Variants in TSEN15 observed in about 807,000 individuals in gnomAD.
The protein encoded by TSEN15 is tRNA splicing endonuclease subunit 15, also known as tRNA-splicing endonuclease subunit Sen15.
TSEN15 carries 10 observed loss-of-function variants against 20.5 expected under a neutral mutation model. The observed-to-expected ratio is 0.49, with a 90% CI of 0.30 to 0.83. The LOEUF (loss-of-function observed/expected upper bound fraction) is 0.83, where lower values mean the gene tolerates loss of function less well. Ranked by LOEUF, TSEN15 falls within the 40% of genes least tolerant of loss-of-function variation. TSEN15 has a pLI of 0.06. For synonymous variants in TSEN15, 72 were observed against 80.1 expected, an observed-to-expected ratio of 0.90 and a Z score of 0.54; for missense variants, 180 against 218.6, an observed-to-expected ratio of 0.82 and a Z score of 1.11.
intron 3 of TSEN15, among the ~76,000 whole-genome samples, chr1:184,093,431 C>A (rs1170383707): frequency 6.6e-6 from 1 of 152,020 alleles, no homozygotes; most frequent in African/African-American, 2.4e-5. Context: ...TGGGTAAGTT[C>A]CTTATTCTCA....
chr1:184,091,523 T>C (rs903019205), intron 3 of TSEN15, among the ~76,000 whole-genome samples: 7 of 152,144 alleles, frequency 4.6e-5, no homozygotes, highest in Non-Finnish European at 1.0e-4. Context: ...CTATTATTAT[T>C]ATTAGCTGTA....
chr1:184,075,386 T>G (rs1485637946), downstream of TSEN15, among the ~76,000 whole-genome samples: 1 of 152,202 alleles, frequency 6.6e-6, no homozygotes, highest in Non-Finnish European at 1.5e-5. Flanking sequence ...TAAGTAATTT[T>G]GTAAGTGAGT....
chr1:184,072,825 A>G lies in TSEN15; in HGVS notation c.496-2A>G, dbSNP rs1650936633. 1 of 1,599,824 alleles carries G rather than the reference A, an allele frequency of 6.3e-7. No individual in the cohort carries two copies. Among genetic ancestry groups the G allele is most frequent in the Non-Finnish European group, 8.5e-7 (1 of 1,175,480 alleles). On this transcript the variant is annotated splice_acceptor_variant, in intron 4 of 4. Transcript: ENST00000645668. LOFTEE classifies it high-confidence loss of function. ...GTCCATCCTGATCTTTTTTTTTTCC[A>G]GAATATTTCTCTTAGAAGATGACAT...
chr1:184,072,082 C>G (rs1231063572), intron 3 of TSEN15, 75 bp from the exon 4 acceptor site: 2 of 1,448,276 alleles, frequency 1.4e-6, no homozygotes, highest in East Asian at 4.9e-5. Flanking sequence ...TTCAAGTTTT[C>G]TAGTGCTTTC....
intron 3 of TSEN15, among the ~76,000 whole-genome samples, chr1:184,086,060 T>C (rs1651256302): frequency 6.6e-6 from 1 of 152,244 alleles, no homozygotes; most frequent in Non-Finnish European, 1.5e-5. Context: ...GGGGTTGCAC[T>C]TCAGATTATT....
intron 3 of TSEN15, among the ~76,000 whole-genome samples, chr1:184,089,653 A>G (rs537705161): frequency 6.6e-6 from 1 of 152,256 alleles, no homozygotes; most frequent in Admixed American, 6.5e-5. Context: ...TGAAATATCA[A>G]AATCATTCAT....
intron 3 of TSEN15, among the ~76,000 whole-genome samples, chr1:184,062,900 G>A (rs925957888): frequency 4.6e-5 from 7 of 151,964 alleles, no homozygotes; most frequent in South Asian, 2.1e-4. Context: ...AAAGCTGAGC[G>A]AAGTGAAATG....
chr1:184,071,026 A>G (rs1650862125), intron 3 of TSEN15: 1 of 156,908 alleles, frequency 6.4e-6, no homozygotes, highest in Non-Finnish European at 1.4e-5. Flanking sequence ...TTTGCAAGGT[A>G]GCAAAGTTGT....
chr1:184,067,941 A>AAAAAAAAAT (rs1400681024), intron 3 of TSEN15, among the ~76,000 whole-genome samples: 22 of 95,572 alleles, frequency 2.3e-4, no homozygotes, highest in African/African-American at 8.4e-4. Flanking sequence ...AAAAAAAAAA[A>AAAAAAAAAT]ATATATATAT....
chr1:184,067,071 T>C (rs1198816453), intron 3 of TSEN15, among the ~76,000 whole-genome samples: 2 of 152,376 alleles, frequency 1.3e-5, no homozygotes, highest in African/African-American at 4.8e-5. Flanking sequence ...CAATTGTTTA[T>C]TGCTGATATA....
At chr1:184,064,335 T>A (rs1484394727) in intron 3 of TSEN15, among the ~76,000 whole-genome samples, 2 of 152,066 alleles carry the variant, frequency 1.3e-5, no homozygotes, top group Non-Finnish European at 2.9e-5. Context: ...GAGCAAGGTA[T>A]TGAGGGCTGA....
downstream of TSEN15, among the ~76,000 whole-genome samples, chr1:184,078,648 C>T (rs1651107911): frequency 6.6e-6 from 1 of 152,038 alleles, no homozygotes; most frequent in Non-Finnish European, 1.5e-5. Context: ...GGCTGAGACT[C>T]TTTAGAAGAA....
intron 1 of TSEN15, 50 bp downstream of exon 1, chr1:184,051,940 C>T: frequency 6.9e-7 from 1 of 1,451,950 alleles, no homozygotes. Flanking sequence ...CTAACCCAGG[C>T]AGAACACTCC....
intron 3 of TSEN15, among the ~76,000 whole-genome samples, chr1:184,080,282 A>G (rs760162327): frequency 3.3e-5 from 5 of 152,210 alleles, no homozygotes; most frequent in Non-Finnish European, 5.9e-5. Context: ...TGTTACTTAC[A>G]TGTTATTAAC....
At chr1:184,065,532 C>G (rs776428883) in intron 3 of TSEN15, among the ~76,000 whole-genome samples, 6 of 152,194 alleles carry the variant, frequency 3.9e-5, no homozygotes, top group Admixed American at 2.0e-4. Flanking sequence ...TCTTCACCCC[C>G]AAACACATCC....
chr1:184,064,978 C>G (rs957771501), intron 3 of TSEN15, among the ~76,000 whole-genome samples: 3 of 152,146 alleles, frequency 2.0e-5, no homozygotes, highest in Admixed American at 6.6e-5. Context: ...CCAACCTCTT[C>G]CATGAACCTC....
At chr1:184,069,011 C>G (rs1054829675) in intron 3 of TSEN15, among the ~76,000 whole-genome samples, 5 of 152,082 alleles carry the variant, frequency 3.3e-5, no homozygotes, top group Non-Finnish European at 7.4e-5. Context: ...TACTTAGTAT[C>G]TGTTTCAGAA....
At position 184,073,060 on chromosome 1, in the gene TSEN15, T is replaced by C. The variant is rs948360312; in HGVS notation, c.*213T>C. ...ATAGGGTGATTTCTTTAAAACTTTG[T>C]TATCTAGAGACAGTTTAATTACAGT... On this transcript the variant is annotated 3_prime_UTR_variant, in exon 5 of 5. Coordinates refer to ENST00000645668, the MANE Select transcript of TSEN15 (RefSeq NM_052965.4). 5.4e-6 allele frequency: 3 copies of C among 550,716 alleles called. No homozygotes were observed. Among genetic ancestry groups the C allele is most frequent in the African/African-American group, 3.9e-5 (2 of 50,812 alleles). The allele number at this position is 550,716 out of a possible 1,614,324, so 34.1% of individuals were successfully genotyped here. A position where few individuals can be genotyped will look rare whatever the true frequency, so the allele number is the denominator to read the frequency against.
chr1:184,095,870 G>T, exon 4 of TSEN15: 1 of 397,574 alleles, frequency 2.5e-6, no homozygotes, highest in South Asian at 1.3e-4. Flanking sequence ...ATTTTGTTAT[G>T]ACAGGCCTAG....
Sources: allele counts gnomAD v4.1 joint callset (sites outside exome capture counted in the v4.1 genomes callset), GRCh38; gene constraint gnomAD v4.1.1; transcripts MANE v1.5; gene names NCBI Gene and HGNC (gene_info 2026-07-23, HGNC 2026-07-21).